Variants in BORCS5 observed in about 807,000 individuals in gnomAD.
BORCS5 encodes BLOC-1-related complex subunit 5.
Under a neutral mutation model 22.1 loss-of-function variants are expected in BORCS5, and 17 were observed. The observed-to-expected ratio is 0.77, with a 90% CI of 0.53 to 1.15. BORCS5 has a LOEUF of 1.15. BORCS5 is among the 50% of genes most tolerant of loss of function. The probability of loss-of-function intolerance (pLI) is 0.00; values close to 1 mark genes in which losing one functional copy is unlikely to be tolerated. For missense variants in BORCS5, 247 were observed against 253.2 expected (o/e 0.98, Z 0.17); for synonymous variants, 117 against 99.8 (o/e 1.17, Z -1.03).
Position 12,394,880 on chromosome 12 carries a change from T to C in BORCS5, c.202+33531T>C, listed in dbSNP as rs578237232. Among the ~76,000 whole-genome samples, 11 of 152,212 alleles carry C rather than the reference T, an allele frequency of 7.2e-5. No individual in the cohort carries two copies. The East Asian group carries it at 1.4e-3, about 19-fold the overall frequency. On this transcript the variant is annotated intron_variant, in intron 2 of 3. Coordinates refer to ENST00000314565, the MANE Select transcript of BORCS5 (RefSeq NM_058169.6). ...CAAAAACAATCCTATGAGGGAAATA[T>C]TAACATCATCCACATATAGATAATG...
At chr12:12,437,717 T>C in intron 3 of BORCS5, among the ~76,000 whole-genome samples, 1 of 152,200 alleles carries the variant, frequency 6.6e-6, no homozygotes, top group South Asian at 2.1e-4. Flanking sequence ...AAAGTAGTGA[T>C]TTTAGAACAT....
chr12:12,420,659 G>T (rs1592110543), intron 2 of BORCS5, among the ~76,000 whole-genome samples: 1 of 151,682 alleles, frequency 6.6e-6, no homozygotes, highest in African/African-American at 2.4e-5. Flanking sequence ...TCATGATATT[G>T]ATTCTTTGTA....
At chr12:12,358,463 T>G (rs1399373013) in intron 1 of BORCS5, among the ~76,000 whole-genome samples, 2 of 152,248 alleles carry the variant, frequency 1.3e-5, no homozygotes, top group African/African-American at 4.8e-5. Context: ...CTAGCTTTGC[T>G]ACGTTTTTCT....
chr12:12,387,532 C>T (rs1391341533), intron 2 of BORCS5, among the ~76,000 whole-genome samples: 3 of 151,464 alleles, frequency 2.0e-5, no homozygotes, highest in East Asian at 1.9e-4. Flanking sequence ...CCCTCTGATC[C>T]GAAACCTAAA....
intron 3 of BORCS5, among the ~76,000 whole-genome samples, chr12:12,445,124 G>A (rs536634966): frequency 3.3e-5 from 5 of 152,226 alleles, no homozygotes; most frequent in Admixed American, 1.3e-4. Flanking sequence ...GCTTCCGGTA[G>A]CCTCAAACTC....
intron 3 of BORCS5, among the ~76,000 whole-genome samples, chr12:12,446,453 A>C (rs917130143): frequency 1.3e-5 from 2 of 152,208 alleles, no homozygotes; most frequent in African/African-American, 4.8e-5. Context: ...GGCAACCCCA[A>C]ATCCCAAGAT....
chr12:12,365,424 C>T (rs1184368169), intron 2 of BORCS5, among the ~76,000 whole-genome samples: 1 of 151,706 alleles, frequency 6.6e-6, no homozygotes, highest in African/African-American at 2.4e-5. Flanking sequence ...CAGTGCTCCT[C>T]CCACCTTAGC....
chr12:12,386,465 T>A (rs1565853272), intron 2 of BORCS5, among the ~76,000 whole-genome samples: 1 of 150,322 alleles, frequency 6.7e-6, no homozygotes, highest in African/African-American at 2.5e-5. Flanking sequence ...TTTTTTTTTT[T>A]TTATTTGTTC....
intron 3 of BORCS5, among the ~76,000 whole-genome samples, chr12:12,438,703 A>G (rs1372496357): frequency 6.6e-6 from 1 of 152,198 alleles, no homozygotes; most frequent in Non-Finnish European, 1.5e-5. Context: ...ATTACCAGCC[A>G]CTACAATCAT....
At chr12:12,385,882 A>G (rs1863868971) in intron 2 of BORCS5, among the ~76,000 whole-genome samples, 1 of 151,380 alleles carries the variant, frequency 6.6e-6, no homozygotes, top group South Asian at 2.1e-4. Flanking sequence ...AAACCTCAAA[A>G]TGGTTTGAAT....
rs564620275 is a variant in BORCS5 at position 12,462,312 on chromosome 12, C to T, written c.361-3234C>T. Among the ~76,000 whole-genome samples, 13 of 152,280 alleles carry T rather than the reference C, an allele frequency of 8.5e-5. No homozygotes were observed. The South Asian group carries it at 1.7e-3, about 19-fold the overall frequency. ...TTGCAGATGAGGAAACCGAGGCTTACGTATATTTTCATTCATTTATTCAAC... is the reference window on the plus strand; with the variant it reads ...TTGCAGATGAGGAAACCGAGGCTTATGTATATTTTCATTCATTTATTCAAC... On this transcript the variant is annotated intron_variant, in intron 3 of 3. Transcript: ENST00000314565.
At chr12:12,422,897 G>A (rs372341381) in intron 2 of BORCS5, among the ~76,000 whole-genome samples, 8 of 150,030 alleles carry the variant, frequency 5.3e-5, no homozygotes, top group African/African-American at 1.5e-4. Context: ...GTCTCTTAAC[G>A]CAGAAAGCCA....
intron 3 of BORCS5, among the ~76,000 whole-genome samples, chr12:12,460,948 A>G (rs548384000): frequency 2.0e-5 from 3 of 152,306 alleles, no homozygotes; most frequent in East Asian, 3.9e-4. Flanking sequence ...CACCATCCAT[A>G]TAAGGTATTT....
chr12:12,361,424 T>C (rs1863284128), intron 2 of BORCS5, 75 bp downstream of exon 2: 4 of 1,515,742 alleles, frequency 2.6e-6, no homozygotes, highest in South Asian at 2.3e-5. Flanking sequence ...CCTCTACTTA[T>C]CCATGTATCT....
At position 12,357,118 on chromosome 12, in the gene BORCS5, A is replaced by C. The variant is rs767816521; in HGVS notation, c.-334A>C. ...GGAGCGAGCTTGCGGAGCGTGAACC[A>C]GTGAGTGAAAGCGGCGCCGCCCGCC... On this transcript the variant is annotated 5_prime_UTR_variant, in exon 1 of 4. Transcript: ENST00000314565. 2.9e-5 allele frequency: 44 copies of C among 1,534,482 alleles called. No individual in the cohort carries two copies. In the South Asian group the frequency reaches 3.8e-4, roughly 13 times the overall value.
intron 2 of BORCS5, among the ~76,000 whole-genome samples, chr12:12,398,939 T>C (rs947164477): frequency 3.6e-4 from 55 of 152,210 alleles, no homozygotes; most frequent in African/African-American, 1.3e-3. Flanking sequence ...GGGGTGCTAC[T>C]GGCATCTTGG....
chr12:12,416,515 C>T (rs1054723368), intron 2 of BORCS5, among the ~76,000 whole-genome samples: 2 of 152,018 alleles, frequency 1.3e-5, no homozygotes, highest in African/African-American at 4.8e-5. Context: ...GCAATCATAG[C>T]TCATTGTAGC....
chr12:12,465,995 T>C lies in BORCS5; in HGVS notation c.*219T>C. 3 of 512,014 alleles carry C rather than the reference T, an allele frequency of 5.9e-6. No individual in the cohort carries two copies. The highest frequency in any genetic ancestry group is 1.0e-5 in the Non-Finnish European group (3 of 289,866). 31.7% of individuals were successfully genotyped at this position (512,014 alleles called of 1,614,324 possible). A position where few individuals can be genotyped will look rare whatever the true frequency, so the allele number is the denominator to read the frequency against. ...AAGGAACCTAACCAGTTCTCGGTGA[T>C]AACTGAAGCTGGAACGTGTGAATTA... On this transcript the variant is annotated 3_prime_UTR_variant, in exon 4 of 4. Coordinates refer to ENST00000314565, the MANE Select transcript of BORCS5 (RefSeq NM_058169.6).
chr12:12,416,755 C>G (rs1361958251), intron 2 of BORCS5, among the ~76,000 whole-genome samples: 1 of 151,590 alleles, frequency 6.6e-6, no homozygotes, highest in African/African-American at 2.4e-5. Context: ...GTCACCGCAC[C>G]CAACTCTTGT....
Sources: gnomAD v4.1 joint callset for allele counts (sites outside exome capture counted in the v4.1 genomes callset) on GRCh38, gnomAD v4.1.1 for gene constraint, MANE v1.5 for transcripts, NCBI Gene and HGNC (gene_info 2026-07-23, HGNC 2026-07-21) for gene names.